PSAP: variants seen among roughly 807,000 people sequenced by gnomAD.
PSAP encodes the protein precursor of saposins.
PSAP carries 25 observed loss-of-function variants against 66.0 expected under a neutral mutation model. The observed-to-expected ratio is 0.38, with a 90% CI of 0.28 to 0.53. The LOEUF is 0.53. Ranked by LOEUF, PSAP falls within the 20% of genes least tolerant of loss-of-function variation. PSAP has a pLI of 0.83. For synonymous variants in PSAP, 273 were observed against 258.9 expected (o/e 1.05, Z -0.52); for missense variants, 649 against 668.8 (o/e 0.97, Z 0.33).
chr10:71,823,580 T>G (rs575826979), intron 7 of PSAP, among the ~76,000 whole-genome samples: 1 of 152,316 alleles, frequency 6.6e-6, no homozygotes, highest in African/African-American at 2.4e-5. Flanking sequence ...CACCCATGGT[T>G]CCCCATTGTC....
chr10:71,829,083 G>T lies in PSAP; in HGVS notation c.376-6C>A. 1 of 1,613,068 alleles carries T rather than the reference G, an allele frequency of 6.2e-7. No individual in the cohort carries two copies. ...CACACCTCCCCAGGACGGCTCTGGTGGGATGGAAAGAAGTCCTGCTGAAAA... is the reference window on the plus strand; with the variant it reads ...CACACCTCCCCAGGACGGCTCTGGTTGGATGGAAAGAAGTCCTGCTGAAAA... On this transcript the variant is annotated splice_region_variant and splice_polypyrimidine_tract_variant and intron_variant, in intron 4 of 13. Transcript: ENST00000394936.
chr10:71,830,167 A>AT (rs1842484097), intron 4 of PSAP, among the ~76,000 whole-genome samples: 1 of 152,158 alleles, frequency 6.6e-6, no homozygotes, highest in Non-Finnish European at 1.5e-5. Context: ...CCCACCCTGC[A>AT]GACATCTCAA....
At chr10:71,820,132 C>T (rs1451562674) in intron 9 of PSAP, 108 bp downstream of exon 9, 1 of 1,074,742 alleles carries the variant, frequency 9.3e-7, no homozygotes, top group Non-Finnish European at 1.4e-6. Context: ...CATGGCTGTA[C>T]ACATGTCAAG....
chr10:71,850,573 C>T (rs1015698145), intron 1 of PSAP, among the ~76,000 whole-genome samples: 1 of 152,194 alleles, frequency 6.6e-6, no homozygotes, highest in Non-Finnish European at 1.5e-5. Flanking sequence ...TCAGGACCTC[C>T]TGAGGGCTGT....
chr10:71,817,683 G>C (rs539204183), intron 13 of PSAP, among the ~76,000 whole-genome samples: 1 of 152,212 alleles, frequency 6.6e-6, no homozygotes. Context: ...TCTAAGGCAC[G>C]AGTCCAGAGC....
At chr10:71,825,102 T>C (rs1842376119) in intron 7 of PSAP, among the ~76,000 whole-genome samples, 1 of 152,154 alleles carries the variant, frequency 6.6e-6, no homozygotes, top group Non-Finnish European at 1.5e-5. Context: ...TCCAAAAAAA[T>C]ACCCTTTAAG....
chr10:71,841,389 T>A (rs1318414376), intron 1 of PSAP, among the ~76,000 whole-genome samples: 1 of 152,238 alleles, frequency 6.6e-6, no homozygotes, highest in Admixed American at 6.5e-5. Flanking sequence ...TATATGTGAG[T>A]CTACTATAAA....
chr10:71,825,413 G>A lies in PSAP; in HGVS notation c.777+424C>T, dbSNP rs984193655. 3.9e-4 allele frequency among the ~76,000 whole-genome samples: 60 copies of A among 152,254 alleles called. 1 individual carries two copies. Among genetic ancestry groups the A allele is most frequent in the Non-Finnish European group, 5.3e-4 (36 of 68,050 alleles). On this transcript the variant is annotated intron_variant, in intron 7 of 13. Transcript: ENST00000394936. ...TCAGGAGTTACCAGCTCAAGCAGCA[G>A]CTTCAGCGGACGCTGCTGCCATGCA...
chr10:71,847,583 CT>C (rs1842844932), intron 1 of PSAP, among the ~76,000 whole-genome samples: 1 of 151,674 alleles, frequency 6.6e-6, no homozygotes, highest in South Asian at 2.1e-4. Flanking sequence ...TTTCGGATGC[CT>C]CTCTCTCACA....
intron 10 of PSAP, 28 bp downstream of exon 10, chr10:71,819,686 C>A (rs1564815238): frequency 2.5e-5 from 41 of 1,614,116 alleles, no homozygotes; most frequent in Non-Finnish European, 3.5e-5. Context: ...GGGGCACCAT[C>A]CTCTCCCGCA....
Position 71,817,297 on chromosome 10 carries a change from A to G in PSAP, c.*144T>C. The G allele has an allele frequency of 3.3e-6, 3 of 908,326 alleles. No homozygotes were observed. The South Asian group carries it at 3.9e-5, about 12-fold the overall frequency. 56.3% of individuals were successfully genotyped at this position (908,326 alleles called of 1,614,324 possible). On this transcript the variant is annotated 3_prime_UTR_variant, in exon 14 of 14. Transcript: ENST00000394936. ...GGGCTCCCTTGCAGACAGCAATGCT[A>G]CAATAAAGGACACAGAAATGGGGGA...
Position 71,819,917 on chromosome 10 carries a change from G to A in PSAP, c.1006-17C>T. 6.2e-7 allele frequency: 1 copy of A among 1,606,580 alleles called. No homozygotes were observed. Among genetic ancestry groups the A allele is most frequent in the Non-Finnish European group, 8.5e-7 (1 of 1,173,604 alleles). On this transcript the variant is annotated splice_polypyrimidine_tract_variant and intron_variant, in intron 9 of 13. Transcript: ENST00000394936. ...TATTTCTTTCTGAAACACACGAGAGGATCGTGTGAGAAGACGGGAGGCCGG... is the reference window on the plus strand; with the variant it reads ...TATTTCTTTCTGAAACACACGAGAGAATCGTGTGAGAAGACGGGAGGCCGG...
intron 7 of PSAP, among the ~76,000 whole-genome samples, chr10:71,824,250 C>A (rs1327249750): frequency 6.6e-6 from 1 of 152,248 alleles, no homozygotes; most frequent in Non-Finnish European, 1.5e-5. Flanking sequence ...GGAGCCCACA[C>A]TGGCCCCGGG....
chr10:71,818,808 C>T (rs1842231421), intron 12 of PSAP, 84 bp from the exon 13 acceptor site: 1 of 1,247,134 alleles, frequency 8.0e-7, no homozygotes, highest in South Asian at 1.2e-5. Context: ...AAACAGTTTC[C>T]AGAAGGAGCT....
chr10:71,835,997 T>C (rs1441741953), intron 1 of PSAP, among the ~76,000 whole-genome samples: 1 of 152,086 alleles, frequency 6.6e-6, no homozygotes, highest in Non-Finnish European at 1.5e-5. Context: ...GGGTAAGGAA[T>C]GAACTGCTTT....
chr10:71,819,427 T>C (rs369039591), intron 11 of PSAP, 38 bp downstream of exon 11: 7 of 1,612,512 alleles, frequency 4.3e-6, no homozygotes, highest in Non-Finnish European at 5.9e-6. Context: ...CATCAGGTTC[T>C]GCCATGCTGG....
At chr10:71,818,216 G>A (rs1842214474) in intron 13 of PSAP, among the ~76,000 whole-genome samples, 2 of 152,148 alleles carry the variant, frequency 1.3e-5, no homozygotes, top group East Asian at 1.9e-4. Flanking sequence ...GTGAGGACTC[G>A]GGCCCGGCTT....
Position 71,825,823 on chromosome 10 carries a change from T to C in PSAP, c.777+14A>G. 6.2e-7 allele frequency: 1 copy of C among 1,609,230 alleles called. No homozygotes were observed. Among genetic ancestry groups the C allele is most frequent in the Non-Finnish European group, 8.5e-7 (1 of 1,175,532 alleles). ...CAAAGAAAAATGCTAACAAGGGGCC[T>C]CCGTGCCACCTACCATGTGCATCAT... On this transcript the variant is annotated intron_variant, in intron 7 of 13. Transcript: ENST00000394936.
chr10:71,848,538 G>C (rs1217238542), intron 1 of PSAP, among the ~76,000 whole-genome samples: 1 of 152,072 alleles, frequency 6.6e-6, no homozygotes, highest in Non-Finnish European at 1.5e-5. Flanking sequence ...TTTAGGTGGG[G>C]AAAAAGGAGG....
Sources: allele counts gnomAD v4.1 joint callset (sites outside exome capture counted in the v4.1 genomes callset), GRCh38; gene constraint gnomAD v4.1.1; transcripts MANE v1.5; gene names NCBI Gene and HGNC (gene_info 2026-07-23, HGNC 2026-07-21).